CYSLTR1: variants seen among roughly 807,000 people sequenced by gnomAD.
The protein encoded by CYSLTR1 is cysteinyl leukotriene receptor 1.
A neutral mutation model predicts 2.1 loss-of-function variants in CYSLTR1; 1 was observed. That is an observed-to-expected ratio of 0.48 (90% CI 0.17 to 2.28). The LOEUF (loss-of-function observed/expected upper bound fraction) is 2.28, where lower values mean the gene tolerates loss of function less well. CYSLTR1 is among the 30% of genes most tolerant of loss of function. The pLI is 0.26. For synonymous variants in CYSLTR1, 110 were observed against 89.6 expected, an observed-to-expected ratio of 1.23 and a Z score of -1.28; for missense variants, 299 against 250.1, an observed-to-expected ratio of 1.20 and a Z score of -1.32.
chrX:78,326,936 CA>C (rs1239884871), intron 1 of CYSLTR1, among the ~76,000 whole-genome samples: 1 of 111,662 alleles, frequency 9.0e-6, no homozygotes, highest in Non-Finnish European at 1.9e-5. Flanking sequence ...ATTTATTTTC[CA>C]TATTGAAGGA....
chrX:78,313,096 T>C (rs1923276712), intron 1 of CYSLTR1, among the ~76,000 whole-genome samples: 1 of 111,761 alleles, frequency 8.9e-6, no homozygotes, highest in Admixed American at 9.5e-5. Flanking sequence ...TTAAAGAAAA[T>C]GTGGTACATA....
chrX:78,290,732 T>G (rs1156952847), intron 1 of CYSLTR1, among the ~76,000 whole-genome samples: 1 of 111,860 alleles, frequency 8.9e-6, no homozygotes, highest in Non-Finnish European at 1.9e-5. Flanking sequence ...TGAATAGAAG[T>G]TCACTCATGA....
chrX:78,288,334 G>T (rs1446158813), intron 1 of CYSLTR1, among the ~76,000 whole-genome samples: 1 of 112,218 alleles, frequency 8.9e-6, no homozygotes, highest in African/African-American at 3.2e-5. Context: ...TGATCCAAAA[G>T]TGTCTCCAGG....
chrX:78,273,059 T>A lies in CYSLTR1; in HGVS notation c.688A>T (p.Lys230Ter). The A allele has an allele frequency of 8.3e-7, 1 of 1,210,978 alleles. No individual in the cohort carries two copies. The highest frequency in any genetic ancestry group is 1.1e-6 in the Non-Finnish European group (1 of 895,024). ...SMKKNLSSHK[K>*]AIGMIMVVTA... ...ACGACCATGATCATTCCTATAGCCT[T>A]TTTATGACTTGACAGATTTTTTTTC... is the stretch of plus-strand genomic sequence containing the variant. Residue 230 changes from lysine to a stop codon, truncating the protein, a stop_gained, in exon 3 of 3, where the codon AAG becomes TAG. Coordinates refer to ENST00000373304, the MANE Select transcript of CYSLTR1 (RefSeq NM_006639.4). LOFTEE classifies it high-confidence loss of function.
intron 1 of CYSLTR1, among the ~76,000 whole-genome samples, chrX:78,313,002 A>G (rs1472135871): frequency 8.9e-6 from 1 of 112,073 alleles, no homozygotes; most frequent in Non-Finnish European, 1.9e-5. Context: ...TATCAAAAAT[A>G]CATCCATGCA....
In CYSLTR1 at chrX:78,273,565, T is replaced by C. The variant is rs761595259; in HGVS notation, c.182A>G (p.Tyr61Cys). The change falls in exon 3 of 3, where the codon TAC (tyrosine) becomes TGC (cysteine). Residue 61 changes from tyrosine (Y) to cysteine (C), a missense_variant. By Grantham distance (194) the Tyr-to-Cys change is radical. Coordinates refer to ENST00000373304, the MANE Select transcript of CYSLTR1 (RefSeq NM_006639.4). ...TYHKKSAFQV[Y>C]MINLAVADLL... ...ATCTGCTACTGCTAAATTAATCATG[T>C]ATACTTGGAAGGCTGACTTCTTGTG... The C allele has an allele frequency of 3.3e-6, 4 of 1,209,866 alleles. No individual in the cohort carries two copies. In the African/African-American group the frequency reaches 5.2e-5, roughly 16 times the overall value.
intron 1 of CYSLTR1, among the ~76,000 whole-genome samples, chrX:78,299,082 C>A (rs1922702880): frequency 9.0e-6 from 1 of 111,234 alleles, no homozygotes; most frequent in South Asian, 3.7e-4. Flanking sequence ...TAAATACTAT[C>A]TTATAATTTA....
chrX:78,302,706 A>T (rs7877181), intron 1 of CYSLTR1, among the ~76,000 whole-genome samples: 5,768 of 110,578 alleles, frequency 0.052, 378 homozygotes, highest in African/African-American at 0.18. Flanking sequence ...TGTATCTAGA[A>T]ATGTCCAGGA....
At chrX:78,302,348 A>G (rs1359260828) in intron 1 of CYSLTR1, among the ~76,000 whole-genome samples, 1 of 111,635 alleles carries the variant, frequency 9.0e-6, no homozygotes, top group Non-Finnish European at 1.9e-5. Flanking sequence ...CAGAAATGCT[A>G]TCCAAGAGCC....
chrX:78,317,680 A>G (rs1239324323), intron 1 of CYSLTR1, among the ~76,000 whole-genome samples: 1 of 112,722 alleles, frequency 8.9e-6, no homozygotes, highest in Non-Finnish European at 1.9e-5. Context: ...ATTTGCAGCA[A>G]TCTGGACAGA....
At chrX:78,286,577 A>G (rs983771038) in intron 1 of CYSLTR1, among the ~76,000 whole-genome samples, 1 of 109,737 alleles carries the variant, frequency 9.1e-6, no homozygotes, top group Non-Finnish European at 1.9e-5. Context: ...TACATGTGCT[A>G]TGCTGGTGTG....
chrX:78,277,640 A>ACAGCT lies in CYSLTR1; in HGVS notation c.-27-3872_-27-3868dup, dbSNP rs200994835. 9.3e-3 allele frequency among the ~76,000 whole-genome samples: 1,034 copies of ACAGCT among 111,753 alleles called. 6 individuals carry two copies. Among genetic ancestry groups the ACAGCT allele is most frequent in the Middle Eastern group, 0.014 (3 of 217 alleles). ...TCCCAGCCCACCAAGGTTAAAACAC[A>ACAGCT]CAGCTCAGGAGGAGTGGGCTGAATC... is the stretch of plus-strand genomic sequence containing the variant. On this transcript the variant is annotated intron_variant, in intron 2 of 2. Coordinates refer to ENST00000373304, the MANE Select transcript of CYSLTR1 (RefSeq NM_006639.4).
rs199899547 is a variant in CYSLTR1, at chrX:78,327,557, C to G, written c.-367G>C. 9.0e-6 allele frequency: 1 copy of G among 111,582 alleles called. No homozygotes were observed. Among genetic ancestry groups the G allele is most frequent in the Non-Finnish European group, 1.9e-5 (1 of 53,129 alleles). The allele number at this position is 111,582 out of a possible 1,213,427, so 9.2% of individuals were successfully genotyped here. A position where few individuals can be genotyped will look rare whatever the true frequency, so the allele number is the denominator to read the frequency against. ...GGAGAGAGCAGGGCACATTTGCTAG[C>G]CAATATATACAGATATACAGATTCT... On this transcript the variant is annotated 5_prime_UTR_variant, in exon 1 of 3. Transcript: ENST00000373304.
In CYSLTR1 at chrX:78,273,063, A is replaced by G. The variant is rs1398199417; in HGVS notation, c.684T>C (p.His228=). 5.0e-6 allele frequency: 6 copies of G among 1,211,020 alleles called. No individual in the cohort carries two copies. Among genetic ancestry groups the G allele is most frequent in the Middle Eastern group, 2.3e-4 (1 of 4,351 alleles). Residue 228 remains histidine (H), a synonymous_variant, in exon 3 of 3, where the codon CAT becomes CAC. Transcript: ENST00000373304. ...CCATGATCATTCCTATAGCCTTTTTATGACTTGACAGATTTTTTTTCATTG... is the reference window on the plus strand; with the variant it reads ...CCATGATCATTCCTATAGCCTTTTTGTGACTTGACAGATTTTTTTTCATTG... ...KKSMKKNLSS[H]KKAIGMIMVV...
intron 2 of CYSLTR1, 35 bp from the exon 3 acceptor site, chrX:78,273,808 A>G: frequency 2.8e-6 from 3 of 1,071,839 alleles, no homozygotes; most frequent in South Asian, 2.2e-5. Context: ...AATTTTAACT[A>G]GACCATAAAT....
intron 1 of CYSLTR1, among the ~76,000 whole-genome samples, chrX:78,287,787 C>T (rs1034322056): frequency 5.4e-5 from 6 of 110,731 alleles, no homozygotes; most frequent in Admixed American, 2.9e-4. Flanking sequence ...AGGGGAGAGC[C>T]CATAACTAGA....
At chrX:78,302,546 G>T (rs754311429) in intron 1 of CYSLTR1, among the ~76,000 whole-genome samples, 4 of 111,527 alleles carry the variant, frequency 3.6e-5, no homozygotes, top group South Asian at 7.6e-4. Flanking sequence ...AAGATAGCAA[G>T]TCTCAGAGTG....
chrX:78,304,630 C>A (rs952104881), intron 1 of CYSLTR1, among the ~76,000 whole-genome samples: 24 of 110,280 alleles, frequency 2.2e-4, no homozygotes, highest in Admixed American at 1.8e-3. Flanking sequence ...GAAGAAACTC[C>A]CCAGGCCTCC....
intron 1 of CYSLTR1, among the ~76,000 whole-genome samples, chrX:78,298,258 T>C (rs989487725): frequency 4.5e-5 from 5 of 111,975 alleles, no homozygotes; most frequent in Non-Finnish European, 9.4e-5. Flanking sequence ...TATTTCAATT[T>C]TTTGAATGTT....
Sources: gnomAD v4.1 joint callset for allele counts (sites outside exome capture counted in the v4.1 genomes callset) on GRCh38, gnomAD v4.1.1 for gene constraint, MANE v1.5 for transcripts, NCBI Gene and HGNC (gene_info 2026-07-23, HGNC 2026-07-21) for gene names.